CCDC149: variants seen among roughly 807,000 people sequenced by gnomAD.
The protein encoded by CCDC149 is coiled-coil domain containing 149, also known as coiled-coil domain-containing protein 149.
A neutral mutation model predicts 59.9 loss-of-function variants in CCDC149; 45 were observed. That is an observed-to-expected ratio of 0.75 (90% CI 0.59 to 0.96). The LOEUF is 0.96. Ranked by LOEUF, CCDC149 falls within the 40% of genes least tolerant of loss-of-function variation. The pLI is 0.00. For missense variants in CCDC149, 584 were observed against 664.7 expected (o/e 0.88, Z 1.33); for synonymous variants, 245 against 260.6 (o/e 0.94, Z 0.58).
At position 24,889,705 on chromosome 4, in the gene CCDC149, G is replaced by A. The variant is rs142219365; in HGVS notation, c.64-13008C>T. On this transcript the variant is annotated intron_variant, in intron 1 of 12. Transcript: ENST00000635206. ...TCATTATAGAATAATAATTCAATTC[G>A]GTTGCAGAGGGCTTTCCTTGTGGGC... Among the ~76,000 whole-genome samples, 20 of 152,208 alleles carry A rather than the reference G, an allele frequency of 1.3e-4. 1 individual carries two copies. Among genetic ancestry groups the A allele is most frequent in the African/African-American group, 4.6e-4 (19 of 41,518 alleles).
intron 4 of CCDC149, among the ~76,000 whole-genome samples, chr4:24,839,637 A>G (rs959124337): frequency 1.3e-5 from 2 of 152,200 alleles, no homozygotes; most frequent in African/African-American, 4.8e-5. Flanking sequence ...CTCCAGAGCC[A>G]AGACCCACCT....
chr4:24,911,511 C>T (rs912646109), intron 1 of CCDC149, among the ~76,000 whole-genome samples: 3 of 152,220 alleles, frequency 2.0e-5, no homozygotes, highest in African/African-American at 7.2e-5. Context: ...AGAACTACCT[C>T]CAGCCTCCTT....
chr4:24,884,460 C>T (rs1198709164), intron 1 of CCDC149, among the ~76,000 whole-genome samples: 2 of 152,108 alleles, frequency 1.3e-5, no homozygotes, highest in African/African-American at 4.8e-5. Context: ...AGGACATATC[C>T]CTGTCATTAA....
intron 9 of CCDC149, chr4:24,828,092 C>T (rs1455711317): frequency 1.3e-5 from 2 of 151,852 alleles, no homozygotes; most frequent in Non-Finnish European, 2.9e-5. Context: ...TTACATGCCC[C>T]CAAATAAAAC....
intron 1 of CCDC149, among the ~76,000 whole-genome samples, chr4:24,971,259 T>A (rs972795676): frequency 6.6e-6 from 1 of 152,088 alleles, no homozygotes; most frequent in African/African-American, 2.4e-5. Context: ...TAGTAGTGAG[T>A]TGTTGCTCTC....
At chr4:24,931,874 A>G (rs547682367) in intron 1 of CCDC149, among the ~76,000 whole-genome samples, 1 of 73,660 alleles carries the variant, frequency 1.4e-5, no homozygotes, top group South Asian at 4.4e-4. Context: ...ATCCATGTCT[A>G]TATAAAATAA....
At chr4:24,976,379 T>C (rs1724196414) in intron 1 of CCDC149, among the ~76,000 whole-genome samples, 1 of 151,870 alleles carries the variant, frequency 6.6e-6, no homozygotes, top group Admixed American at 6.6e-5. Flanking sequence ...CTGGAGAAGG[T>C]GGAAATGGGT....
intron 3 of CCDC149, among the ~76,000 whole-genome samples, chr4:24,865,994 T>C (rs551189868): frequency 1.3e-5 from 2 of 152,298 alleles, no homozygotes; most frequent in East Asian, 3.9e-4. Flanking sequence ...CAAAGTGATA[T>C]AAAAAGAAAC....
chr4:24,907,186 C>G (rs1230881616), intron 1 of CCDC149, among the ~76,000 whole-genome samples: 1 of 152,196 alleles, frequency 6.6e-6, no homozygotes, highest in East Asian at 1.9e-4. Context: ...CCTTGCCCGG[C>G]AGAGGCCTAT....
At chr4:24,811,699 CCT>C (rs1399670523) in intron 12 of CCDC149, among the ~76,000 whole-genome samples, 1 of 152,024 alleles carries the variant, frequency 6.6e-6, no homozygotes, top group Non-Finnish European at 1.5e-5. Flanking sequence ...ATGGCGAAAC[CCT>C]GTCTCTACTA....
In CCDC149 at chr4:24,962,977, T is replaced by TA. The variant is rs1173296995; in HGVS notation, c.-65+17091dup. 1.0e-3 allele frequency among the ~76,000 whole-genome samples: 152 copies of TA among 144,772 alleles called. 1 individual carries two copies. Among genetic ancestry groups the TA allele is most frequent in the African/African-American group, 3.2e-3 (125 of 39,412 alleles). 95.0% of individuals were successfully genotyped at this position (144,772 alleles called of 152,430 possible). On this transcript the variant is annotated intron_variant, in intron 1 of 12. Transcript: ENST00000389609. ...TATCAGTTGTATACCTATAAAAACT[T>TA]AAAAAAAAAAGAAAAAGAAAAAGAA...
intron 10 of CCDC149, 117 bp from the exon 11 acceptor site, chr4:24,821,204 C>T (rs2109107082): frequency 2.3e-6 from 1 of 435,992 alleles, no homozygotes; most frequent in Non-Finnish European, 3.8e-6. Context: ...ACTCGAGTAA[C>T]TTCCATCTTT....
At chr4:24,979,159 C>G (rs1321556415) in intron 1 of CCDC149, among the ~76,000 whole-genome samples, 4 of 152,184 alleles carry the variant, frequency 2.6e-5, no homozygotes, top group Admixed American at 2.6e-4. Context: ...TACTGTGCAG[C>G]ATATCTCCTT....
At chr4:24,908,946 T>C (rs1227079255) in intron 1 of CCDC149, among the ~76,000 whole-genome samples, 1 of 152,230 alleles carries the variant, frequency 6.6e-6, no homozygotes. Flanking sequence ...TGCATACCTG[T>C]ACTTTGAGAT....
chr4:24,903,142 C>G (rs1721277226), intron 1 of CCDC149, among the ~76,000 whole-genome samples: 1 of 151,760 alleles, frequency 6.6e-6, no homozygotes, highest in Admixed American at 6.6e-5. Flanking sequence ...ATCTCTCCCC[C>G]TTTTTAAGAA....
chr4:24,895,511 T>C (rs1455712054), intron 1 of CCDC149, among the ~76,000 whole-genome samples: 1 of 152,226 alleles, frequency 6.6e-6, no homozygotes, highest in Non-Finnish European at 1.5e-5. Flanking sequence ...GAGGGTGCAG[T>C]GAATTTACAT....
chr4:24,952,594 TCAAAAAA>T (rs1228600761), intron 1 of CCDC149, among the ~76,000 whole-genome samples: 2 of 18,058 alleles, frequency 1.1e-4, no homozygotes, highest in African/African-American at 3.5e-4. Flanking sequence ...AAACTCCATC[TCAAAAAA>T]AAAAAAAAAA....
chr4:24,934,970 T>C (rs566463031), intron 1 of CCDC149, among the ~76,000 whole-genome samples: 11 of 152,166 alleles, frequency 7.2e-5, no homozygotes, highest in Non-Finnish European at 1.0e-4. Flanking sequence ...GAACCTCTCA[T>C]AGAAGAGTAA....
At chr4:24,831,692 T>C in intron 8 of CCDC149, 42 bp from the exon 9 acceptor site, 7 of 1,581,858 alleles carry the variant, frequency 4.4e-6, no homozygotes, top group Non-Finnish European at 5.2e-6. Context: ...GTCATTCTTC[T>C]GAAACGCTGG....
Sources: allele counts gnomAD v4.1 joint callset (sites outside exome capture counted in the v4.1 genomes callset), GRCh38; gene constraint gnomAD v4.1.1; transcripts MANE v1.5; gene names NCBI Gene and HGNC (gene_info 2026-07-23, HGNC 2026-07-21).